Variants in CDH13 observed in about 807,000 individuals in gnomAD.
CDH13 encodes the protein cadherin 13.
Under a neutral mutation model 63.8 loss-of-function variants are expected in CDH13, and 24 were observed. The observed-to-expected ratio is 0.38, with a 90% CI of 0.27 to 0.53. The LOEUF is 0.53. Among genes scored for constraint, CDH13 ranks in the 20% least tolerant of loss-of-function variants. CDH13 has a pLI of 0.85. For missense variants in CDH13, 1,049 were observed against 903.1 expected, an observed-to-expected ratio of 1.16 and a Z score of -2.07; for synonymous variants, 503 against 355.3, an observed-to-expected ratio of 1.42 and a Z score of -4.67.
chr16:83,657,234 A>G (rs968702254), intron 8 of CDH13, among the ~76,000 whole-genome samples: 1 of 152,220 alleles, frequency 6.6e-6, no homozygotes, highest in African/African-American at 2.4e-5. Context: ...ATACAGGATC[A>G]TTTATCTGTA....
At chr16:83,456,103 C>A (rs1225764086) in intron 6 of CDH13, among the ~76,000 whole-genome samples, 14 of 152,230 alleles carry the variant, frequency 9.2e-5, no homozygotes, top group Admixed American at 9.2e-4. Context: ...GAGAAGACTG[C>A]ATTTCTTCAT....
intron 7 of CDH13, among the ~76,000 whole-genome samples, chr16:83,554,917 ATCTT>A (rs771348661): frequency 8.1e-6 from 1 of 124,200 alleles, no homozygotes; most frequent in Non-Finnish European, 1.7e-5. Context: ...CTACTGCTGA[ATCTT>A]TTTTTTTTTT....
intron 5 of CDH13, among the ~76,000 whole-genome samples, chr16:83,291,675 C>G (rs1597678220): frequency 1.3e-5 from 2 of 152,004 alleles, no homozygotes; most frequent in Admixed American, 1.3e-4. Context: ...AAAACTAGCC[C>G]TGACTGCTAA....
At chr16:83,429,848 A>G (rs554832219) in intron 6 of CDH13, among the ~76,000 whole-genome samples, 7 of 152,376 alleles carry the variant, frequency 4.6e-5, no homozygotes, top group South Asian at 4.1e-4. Context: ...ATTATTGTGT[A>G]CACAAGCTAT....
chr16:82,763,123 C>T (rs2034916155), intron 1 of CDH13, among the ~76,000 whole-genome samples: 1 of 152,158 alleles, frequency 6.6e-6, no homozygotes, highest in Admixed American at 6.5e-5. Flanking sequence ...TACCGCAGGG[C>T]CTTTGTATGT....
At chr16:83,410,294 A>T (rs760140717) in intron 6 of CDH13, among the ~76,000 whole-genome samples, 1 of 152,174 alleles carries the variant, frequency 6.6e-6, no homozygotes, top group African/African-American at 2.4e-5. Flanking sequence ...TGGAATGGGT[A>T]TTTATTTATT....
chr16:83,482,910 A>G (rs1330515146), intron 6 of CDH13, among the ~76,000 whole-genome samples: 1 of 152,232 alleles, frequency 6.6e-6, no homozygotes, highest in East Asian at 1.9e-4. Context: ...AGTCTCCTGT[A>G]TCTGAGGCCT....
chr16:83,486,593 T>C lies in CDH13; in HGVS notation c.898T>C (p.Tyr300His). 1 of 1,613,946 alleles carries C rather than the reference T, an allele frequency of 6.2e-7. No individual in the cohort carries two copies. Among genetic ancestry groups the C allele is most frequent in the Non-Finnish European group, 8.5e-7 (1 of 1,179,824 alleles). ...TPDKPSPNMF[Y>H]IDPEKGDIVT... ...TGACAAGCCATCTCCCAACATGTTCTACATCGATCCTGAGAAAGGAGACAT... is the reference window on the plus strand; with the variant it reads ...TGACAAGCCATCTCCCAACATGTTCCACATCGATCCTGAGAAAGGAGACAT... Residue 300 changes from tyrosine to histidine, a missense_variant, in exon 7 of 14, where the codon TAC (tyrosine) becomes CAC (histidine). Coordinates refer to ENST00000567109, the MANE Select transcript of CDH13 (RefSeq NM_001257.5).
intron 6 of CDH13, among the ~76,000 whole-genome samples, chr16:83,346,532 A>G (rs1342305508): frequency 6.6e-6 from 1 of 152,176 alleles, no homozygotes; most frequent in Non-Finnish European, 1.5e-5. Context: ...GGGCTGGGAA[A>G]GTGTTCTAAA....
At chr16:83,118,770 C>G (rs1033994899) in intron 3 of CDH13, among the ~76,000 whole-genome samples, 2 of 152,080 alleles carry the variant, frequency 1.3e-5, no homozygotes, top group Non-Finnish European at 2.9e-5. Context: ...TTCAACCCCT[C>G]TGTGTCCTGT....
chr16:82,838,293 A>AT (rs1371414340), intron 1 of CDH13, among the ~76,000 whole-genome samples: 2 of 152,070 alleles, frequency 1.3e-5, no homozygotes, highest in Non-Finnish European at 2.9e-5. Context: ...AGGAGGATAT[A>AT]TTTTTCTGGC....
At chr16:83,029,159 A>G (rs1303528343) in intron 2 of CDH13, among the ~76,000 whole-genome samples, 2 of 152,214 alleles carry the variant, frequency 1.3e-5, no homozygotes, top group East Asian at 1.9e-4. Context: ...ATTATCCACT[A>G]TTATTATCAG....
chr16:83,100,771 C>T (rs1223679172), intron 3 of CDH13, among the ~76,000 whole-genome samples: 1 of 152,202 alleles, frequency 6.6e-6, no homozygotes, highest in South Asian at 2.1e-4. Flanking sequence ...CAGCCATCCC[C>T]TTAGGGTATA....
intron 2 of CDH13, among the ~76,000 whole-genome samples, chr16:82,907,069 C>A (rs1319069542): frequency 6.6e-6 from 1 of 152,166 alleles, no homozygotes; most frequent in Non-Finnish European, 1.5e-5. Context: ...ATTTTCCTAC[C>A]AAGATCCCTT....
intron 7 of CDH13, among the ~76,000 whole-genome samples, chr16:83,549,964 G>T (rs944918635): frequency 4.6e-5 from 7 of 152,130 alleles, no homozygotes; most frequent in Non-Finnish European, 1.0e-4. Flanking sequence ...GGTACAATCT[G>T]GATCGTTCAT....
chr16:83,719,818 C>T (rs1909445564), intron 10 of CDH13, among the ~76,000 whole-genome samples: 1 of 152,174 alleles, frequency 6.6e-6, no homozygotes, highest in Non-Finnish European at 1.5e-5. Context: ...CTATGGAATA[C>T]ACTCACATCA....
At chr16:83,037,395 C>T (rs1252162433) in intron 3 of CDH13, among the ~76,000 whole-genome samples, 1 of 152,120 alleles carries the variant, frequency 6.6e-6, no homozygotes, top group Non-Finnish European at 1.5e-5. Context: ...GAAGGCTGTG[C>T]CACTGGGGAG....
At chr16:83,402,829 C>G (rs550719284) in intron 6 of CDH13, among the ~76,000 whole-genome samples, 1 of 152,114 alleles carries the variant, frequency 6.6e-6, no homozygotes, top group East Asian at 1.9e-4. Flanking sequence ...TGTAATGAGA[C>G]TATATTTTCT....
chr16:83,736,058 C>A (rs553539645), intron 10 of CDH13: 1 of 152,096 alleles, frequency 6.6e-6, no homozygotes, highest in Non-Finnish European at 1.5e-5. Context: ...CTTTTCCAAG[C>A]GCCATTTCTG....
Sources: gnomAD v4.1 joint callset for allele counts (sites outside exome capture counted in the v4.1 genomes callset) on GRCh38, gnomAD v4.1.1 for gene constraint, MANE v1.5 for transcripts, NCBI Gene and HGNC (gene_info 2026-07-23, HGNC 2026-07-21) for gene names.